Variants in DGCR2 observed in about 807,000 individuals in gnomAD.
The protein encoded by DGCR2 is DiGeorge syndrome critical region gene 2, also known as integral membrane protein DGCR2/IDD.
In DGCR2, 24 loss-of-function variants were observed where a neutral mutation model predicts 51.6. The ratio of observed to expected loss-of-function variants is 0.47; its 90% confidence interval spans 0.34 to 0.65. The LOEUF (loss-of-function observed/expected upper bound fraction) is 0.65, where lower values mean the gene tolerates loss of function less well. Ranked by LOEUF, DGCR2 falls within the 30% of genes least tolerant of loss-of-function variation. The pLI, the probability that DGCR2 is intolerant of heterozygous loss-of-function variation, is 0.01. For synonymous variants in DGCR2, 340 were observed against 315.4 expected (o/e 1.08, Z -0.82); for missense variants, 765 against 772.1 (o/e 0.99, Z 0.11).
intron 3 of DGCR2, among the ~76,000 whole-genome samples, chr22:19,067,762 T>G (rs2082765927): frequency 6.6e-6 from 1 of 152,160 alleles, no homozygotes; most frequent in African/African-American, 2.4e-5. Flanking sequence ...TATTGCTGTA[T>G]CTAAACTCAG....
intron 2 of DGCR2, among the ~76,000 whole-genome samples, chr22:19,084,318 G>A (rs940566769): frequency 1.3e-5 from 2 of 151,074 alleles, no homozygotes; most frequent in Admixed American, 1.3e-4. Flanking sequence ...TATGGGGAGC[G>A]CCTCTGCCCC....
chr22:19,105,810 C>T (rs369207710), intron 1 of DGCR2, among the ~76,000 whole-genome samples: 19 of 152,318 alleles, frequency 1.2e-4, no homozygotes, highest in African/African-American at 4.6e-4. Flanking sequence ...ACTGTGATCA[C>T]ATCACAAACT....
intron 1 of DGCR2, among the ~76,000 whole-genome samples, chr22:19,117,452 A>G (rs866417342): frequency 6.6e-6 from 1 of 152,192 alleles, no homozygotes; most frequent in South Asian, 2.1e-4. Flanking sequence ...CACGTGACAC[A>G]GGGCTTGGCA....
intron 7 of DGCR2, among the ~76,000 whole-genome samples, chr22:19,042,738 G>A (rs2082447079): frequency 6.6e-6 from 1 of 152,204 alleles, no homozygotes; most frequent in Non-Finnish European, 1.5e-5. Flanking sequence ...GGTACACTTG[G>A]GACTCGGATT....
At position 19,076,723 on chromosome 22, in the gene DGCR2, C is replaced by CTTTT. The variant is rs1228247995; in HGVS notation, c.203-8499_203-8498insAAAA. Among the ~76,000 whole-genome samples the CTTTT allele has an allele frequency of 1.8e-3, 215 of 118,718 alleles. 3 individuals are homozygous for CTTTT. The highest frequency in any genetic ancestry group is 2.3e-3 in the Non-Finnish European group (130 of 56,722). 77.9% of individuals were successfully genotyped at this position (118,718 alleles called of 152,430 possible). A position where few individuals can be genotyped will look rare whatever the true frequency, so the allele number is the denominator to read the frequency against. Reference sequence around the variant, plus strand: ...GAAATGTCTACTCAAGTCCTTTGCACATTTTTTTTTTTTTTTTTTTTTTTT... The same window carrying CTTTT: ...GAAATGTCTACTCAAGTCCTTTGCACTTTTATTTTTTTTTTTTTTTTTTTTTTTT... On this transcript the variant is annotated intron_variant, in intron 2 of 9. Coordinates refer to ENST00000263196, the MANE Select transcript of DGCR2 (RefSeq NM_005137.3).
At chr22:19,055,963 C>A in intron 6 of DGCR2, 1 of 157,152 alleles carries the variant, frequency 6.4e-6, no homozygotes, top group South Asian at 1.9e-4. Flanking sequence ...CAGCTGATGG[C>A]AAAGGTGTGG....
chr22:19,078,709 A>G lies in DGCR2; in HGVS notation c.203-10484T>C, dbSNP rs575618975. 2.6e-5 allele frequency among the ~76,000 whole-genome samples: 4 copies of G among 152,356 alleles called. No homozygotes were observed. The South Asian group carries it at 8.3e-4, about 32-fold the overall frequency. On this transcript the variant is annotated intron_variant, in intron 2 of 9. Transcript: ENST00000263196. Reference sequence around the variant, plus strand: ...TTTTAGTTTGCTGAGACATCCTTGCATTACATTTGGTCCAAGCCTTTTGAC... The same window carrying G: ...TTTTAGTTTGCTGAGACATCCTTGCGTTACATTTGGTCCAAGCCTTTTGAC...
intron 1 of DGCR2, among the ~76,000 whole-genome samples, chr22:19,121,288 T>C (rs1391170678): frequency 1.3e-5 from 2 of 152,216 alleles, no homozygotes; most frequent in African/African-American, 2.4e-5. Context: ...AAGTTCATTT[T>C]TTTTCTGCTG....
intron 2 of DGCR2, among the ~76,000 whole-genome samples, chr22:19,085,790 A>G (rs2083008329): frequency 6.6e-6 from 1 of 152,176 alleles, no homozygotes; most frequent in Non-Finnish European, 1.5e-5. Flanking sequence ...AAGTAACCCC[A>G]TAAGGTAACT....
intron 5 of DGCR2, among the ~76,000 whole-genome samples, chr22:19,062,231 C>T (rs2082671614): frequency 6.6e-6 from 1 of 152,190 alleles, no homozygotes; most frequent in Non-Finnish European, 1.5e-5. Flanking sequence ...CACTGGTGGT[C>T]ATGAGAACAG....
intron 1 of DGCR2, among the ~76,000 whole-genome samples, chr22:19,117,994 C>T (rs555755842): frequency 6.6e-6 from 1 of 152,170 alleles, no homozygotes; most frequent in Non-Finnish European, 1.5e-5. Flanking sequence ...ACTTCTGAAC[C>T]TCGGTCACTT....
chr22:19,041,115 G>A lies in DGCR2; in HGVS notation c.1339C>T (p.Pro447Ser). The change falls in exon 9 of 10, where the codon CCT becomes TCT. Residue 447 changes from proline to serine, a missense_variant. By Grantham distance (74) the Pro-to-Ser change is moderately conservative. Transcript: ENST00000263196. ...ATGGAGGCCTCGTAGGGCGGCGGAG[G>A]GTCGTCGGGCTGGCCGATGTCCGGG... is the stretch of plus-strand genomic sequence containing the variant. ...KYPDIGQPDD[P>S]PPPYEASIHP... is the part of the protein sequence containing the mutation. 1 of 1,613,642 alleles carries A rather than the reference G, an allele frequency of 6.2e-7. No homozygotes were observed. Among genetic ancestry groups the A allele is most frequent in the Non-Finnish European group, 8.5e-7 (1 of 1,179,694 alleles).
intron 3 of DGCR2, among the ~76,000 whole-genome samples, chr22:19,067,692 CTAAATAAA>C (rs60372595): frequency 0.32 from 47,709 of 149,894 alleles, 8,005 homozygotes; most frequent in Non-Finnish European, 0.38. Context: ...GACTCCGTCT[CTAAATAAA>C]TAAATAAATA....
In DGCR2 at chr22:19,038,823, C is replaced by T. The variant is rs2082398844; in HGVS notation, c.*42G>A. On this transcript the variant is annotated 3_prime_UTR_variant, in exon 10 of 10. Transcript: ENST00000263196. ...CCCCAGGGACCGGTGTTTTCTACAA[C>T]AGACAGGTGCTCCCAGACCGTTGGG... 1 of 1,591,482 alleles carries T rather than the reference C, an allele frequency of 6.3e-7. No individual in the cohort carries two copies. Among genetic ancestry groups the T allele is most frequent in the Non-Finnish European group, 8.6e-7 (1 of 1,166,348 alleles).
chr22:19,067,130 C>G (rs1385011024), intron 3 of DGCR2, among the ~76,000 whole-genome samples: 1 of 152,174 alleles, frequency 6.6e-6, no homozygotes, highest in Non-Finnish European at 1.5e-5. Flanking sequence ...CTGGTCACCT[C>G]TGAGGTGCTC....
chr22:19,052,768 G>T lies in DGCR2; in HGVS notation c.803-4125C>A, dbSNP rs568431436. ...TGTACTCTAGGGTGACAGAGACCTT[G>T]TCGCCAAAAAGAAAAAAAAAAGGAA... On this transcript the variant is annotated intron_variant, in intron 6 of 9. Coordinates refer to ENST00000263196, the MANE Select transcript of DGCR2 (RefSeq NM_005137.3). Among the ~76,000 whole-genome samples, 359 of 151,648 alleles carry T rather than the reference G, an allele frequency of 2.4e-3. 2 individuals carry two copies. The highest frequency in any genetic ancestry group is 8.2e-3 in the African/African-American group (341 of 41,378).
intron 8 of DGCR2, 94 bp from the exon 9 acceptor site, chr22:19,041,388 C>T (rs2082430260): frequency 2.3e-6 from 3 of 1,281,704 alleles, no homozygotes; most frequent in South Asian, 2.6e-5. Context: ...CTGGGCCTGC[C>T]GTCCCTGAGT....
chr22:19,109,544 C>T (rs1040475942), intron 1 of DGCR2, among the ~76,000 whole-genome samples: 6 of 152,180 alleles, frequency 3.9e-5, no homozygotes, highest in African/African-American at 1.4e-4. Flanking sequence ...CTGCATGATT[C>T]TACTTATATG....
intron 5 of DGCR2, among the ~76,000 whole-genome samples, chr22:19,062,774 T>TTTTCTCTCTCTCTCTCTCTCTCTCTC: frequency 8.8e-6 from 1 of 113,982 alleles, no homozygotes; most frequent in Non-Finnish European, 1.9e-5. Context: ...CACACATGCA[T>TTTTCTCTCTCTCTCTCTCTCTCTCTC]GCTCACTCTC....
Sources: allele counts gnomAD v4.1 joint callset (sites outside exome capture counted in the v4.1 genomes callset), GRCh38; gene constraint gnomAD v4.1.1; transcripts MANE v1.5; gene names NCBI Gene and HGNC (gene_info 2026-07-23, HGNC 2026-07-21).